The following OGDH variants were observed in gnomAD, a reference collection of about 807,000 sequenced individuals.
OGDH encodes the protein oxoglutarate dehydrogenase, also known as 2-oxoglutarate dehydrogenase complex component E1.
In OGDH, 38 loss-of-function variants were observed where a neutral mutation model predicts 116.6. That is an observed-to-expected ratio of 0.33 (90% CI 0.25 to 0.43). The LOEUF (loss-of-function observed/expected upper bound fraction) is 0.43. Among genes scored for constraint, OGDH ranks in the 20% least tolerant of loss-of-function variants. The pLI, the probability that OGDH is intolerant of heterozygous loss-of-function variation, is 1.00. For missense variants in OGDH, 825 were observed against 1,357.2 expected (o/e 0.61, Z 6.16); for synonymous variants, 488 against 533.3 (o/e 0.92, Z 1.17).
intron 1 of OGDH, among the ~76,000 whole-genome samples, chr7:44,612,865 TTTTTCTTTTCTTTTC>T (rs367833555): frequency 6.8e-6 from 1 of 147,368 alleles, no homozygotes; most frequent in Non-Finnish European, 1.5e-5. Context: ...CTGGCTGTTT[TTTTTCTTTTCTTTTC>T]TTTTCTTTTC....
At chr7:44,658,280 G>T (rs561244347) in intron 4 of OGDH, among the ~76,000 whole-genome samples, 1 of 151,862 alleles carries the variant, frequency 6.6e-6, no homozygotes, top group South Asian at 2.1e-4. Flanking sequence ...TTTTTAATCA[G>T]CTTTTTGTAG....
At position 44,624,501 on chromosome 7, in the gene OGDH, C is replaced by T. The variant is rs1208457826; in HGVS notation, c.158C>T (p.Thr53Ile). 2 of 1,613,860 alleles carry T rather than the reference C, an allele frequency of 1.2e-6. No homozygotes were observed. The highest frequency in any genetic ancestry group is 1.7e-6 in the Non-Finnish European group (2 of 1,179,966). ...PVAAEPFLSG[T>I]SSNYVEEMYC... The stretch of plus-strand genomic sequence containing the variant: ...GCTGCTGAGCCCTTTCTCAGTGGGA[C>T]TAGTTCGAACTATGTGGAGGAGATG... Residue 53 changes from threonine to isoleucine, a missense_variant, in exon 2 of 23, where the codon ACT becomes ATT. Thr to Ile is a moderately conservative substitution (Grantham distance 89, BLOSUM62 -1). Around this residue, in one of 7 missense-constraint regions of OGDH, gnomAD observed 126 missense variants for 130.4 expected, o/e 0.97. Transcript: ENST00000222673.
chr7:44,668,393 G>A (rs975805843), intron 5 of OGDH, among the ~76,000 whole-genome samples: 7 of 152,062 alleles, frequency 4.6e-5, no homozygotes, highest in South Asian at 2.1e-4. Context: ...CGAAGATCGC[G>A]CCACTGCACT....
At chr7:44,699,132 C>CA (rs776238142) in intron 18 of OGDH, among the ~76,000 whole-genome samples, 16 of 141,566 alleles carry the variant, frequency 1.1e-4, no homozygotes, top group Non-Finnish European at 2.0e-4. Context: ...AGCTCCGTCT[C>CA]ACAAAAAAAG....
At chr7:44,659,915 T>G (rs1786863232) in intron 4 of OGDH, among the ~76,000 whole-genome samples, 1 of 152,202 alleles carries the variant, frequency 6.6e-6, no homozygotes, top group African/African-American at 2.4e-5. Context: ...GTTTTGCTGT[T>G]TTCAATTTCA....
intron 6 of OGDH, 138 bp from the exon 7 acceptor site, chr7:44,674,273 G>C: frequency 1.0e-6 from 1 of 989,576 alleles, no homozygotes. Context: ...TCGAACTCCT[G>C]ACCTCAGCTG....
intron 2 of OGDH, among the ~76,000 whole-genome samples, chr7:44,635,010 C>G (rs1312376676): frequency 6.6e-6 from 1 of 152,220 alleles, no homozygotes; most frequent in Non-Finnish European, 1.5e-5. Flanking sequence ...AGGAAAAGCT[C>G]TGGCCCACAC....
At chr7:44,698,615 T>C (rs1397874053) in intron 18 of OGDH, among the ~76,000 whole-genome samples, 5 of 151,980 alleles carry the variant, frequency 3.3e-5, no homozygotes, top group African/African-American at 7.2e-5. Context: ...TTGGGGCGAT[T>C]CCAGTGAAAC....
At chr7:44,705,214 A>G (rs1088867) in intron 20 of OGDH, among the ~76,000 whole-genome samples, 107,641 of 142,396 alleles carry the variant, frequency 0.76, 41,569 homozygotes, top group East Asian at 0.98. Context: ...CACTACGCCC[A>G]GCTAATTTTT....
intron 14 of OGDH, 36 bp downstream of exon 14, chr7:44,696,593 G>A (rs1788590720): frequency 6.2e-7 from 1 of 1,613,362 alleles, no homozygotes; most frequent in Non-Finnish European, 8.5e-7. Flanking sequence ...GAAATGTTGG[G>A]GCCCAGGCCA....
intron 1 of OGDH, among the ~76,000 whole-genome samples, chr7:44,620,752 C>A (rs901745689): frequency 8.7e-6 from 1 of 114,928 alleles, no homozygotes; most frequent in Non-Finnish European, 1.9e-5. Context: ...GATGTTTTTG[C>A]GATTTTTTTT....
intron 9 of OGDH, among the ~76,000 whole-genome samples, chr7:44,676,749 TCAC>T (rs1562664627): frequency 1.3e-5 from 2 of 151,998 alleles, no homozygotes. Flanking sequence ...GCTTTTGTCT[TCAC>T]CAAATCTGTT....
chr7:44,649,624 A>G (rs952796945), intron 4 of OGDH, among the ~76,000 whole-genome samples: 3 of 152,004 alleles, frequency 2.0e-5, no homozygotes, highest in African/African-American at 4.8e-5. Context: ...CTTTGTCCCA[A>G]CTGTGCACGT....
intron 2 of OGDH, among the ~76,000 whole-genome samples, chr7:44,628,665 G>A (rs1785301048): frequency 6.6e-6 from 1 of 151,602 alleles, no homozygotes; most frequent in South Asian, 2.1e-4. Context: ...GTCCAGACTG[G>A]TCTTGAACTC....
intron 2 of OGDH, among the ~76,000 whole-genome samples, chr7:44,628,765 C>G (rs1410206140): frequency 2.0e-5 from 3 of 152,062 alleles, no homozygotes; most frequent in African/African-American, 4.8e-5. Context: ...AAAAAAACTT[C>G]TATTCTTAAA....
chr7:44,654,629 C>T (rs1357029764), intron 4 of OGDH, among the ~76,000 whole-genome samples: 1 of 152,170 alleles, frequency 6.6e-6, no homozygotes, highest in Admixed American at 6.5e-5. Flanking sequence ...TCCTAAGTGA[C>T]TCGGGAGGGC....
In OGDH at chr7:44,681,759, G is replaced by GCATTT; in HGVS notation, c.1246_1247insCATTT (p.Gly416AlafsTer55). ...GTTGCATGGGGATGCTGCATTTGCT[G>GCATTT]GCCAGGGCATTGTGTACGAGACCTT... On this transcript the variant is annotated frameshift_variant, in exon 10 of 23. Transcript: ENST00000222673. LOFTEE classifies it high-confidence loss of function. The GCATTT allele has an allele frequency of 6.2e-7, 1 of 1,614,136 alleles. No individual in the cohort carries two copies. Among genetic ancestry groups the GCATTT allele is most frequent in the Non-Finnish European group, 8.5e-7 (1 of 1,180,030 alleles).
chr7:44,624,932 T>C (rs1352075895), intron 2 of OGDH, among the ~76,000 whole-genome samples: 2 of 152,362 alleles, frequency 1.3e-5, no homozygotes, highest in Non-Finnish European at 2.9e-5. Context: ...CTGGAGAGGA[T>C]ACTTTCATTT....
chr7:44,628,925 A>G (rs1785310980), intron 2 of OGDH, among the ~76,000 whole-genome samples: 1 of 152,114 alleles, frequency 6.6e-6, no homozygotes, highest in Non-Finnish European at 1.5e-5. Flanking sequence ...CCCATCTGCC[A>G]TCTCCCTTTT....
Sources: gnomAD v4.1 joint callset for allele counts (sites outside exome capture counted in the v4.1 genomes callset) on GRCh38, gnomAD v4.1.1 for gene constraint, gnomAD v4.1.1 regional missense constraint, MANE v1.5 for transcripts, NCBI Gene and HGNC (gene_info 2026-07-23, HGNC 2026-07-21) for gene names.